The following ADAMTS17 variants were observed in gnomAD, a reference collection of about 807,000 sequenced individuals.
ADAMTS17 encodes the protein ADAM metallopeptidase with thrombospondin type 1 motif 17, also known as A disintegrin and metalloproteinase with thrombospondin motifs 17.
A neutral mutation model predicts 141.5 loss-of-function variants in ADAMTS17; 113 were observed. The observed-to-expected ratio is 0.80, with a 90% CI of 0.69 to 0.93. The LOEUF is 0.93. Ranked by LOEUF, ADAMTS17 falls within the 40% of genes least tolerant of loss-of-function variation. The pLI is 0.00. For missense variants in ADAMTS17, 1,659 were observed against 1,517.9 expected, an observed-to-expected ratio of 1.09 and a Z score of -1.54; for synonymous variants, 768 against 630.6, an observed-to-expected ratio of 1.22 and a Z score of -3.27.
At chr15:100,121,116 G>A (rs370182665) in intron 12 of ADAMTS17, among the ~76,000 whole-genome samples, 1 of 152,190 alleles carries the variant, frequency 6.6e-6, no homozygotes, top group South Asian at 2.1e-4. Flanking sequence ...GCAGGCAGAA[G>A]AAAGAATTAG....
At chr15:100,307,513 T>C (rs1221682256) in intron 3 of ADAMTS17, among the ~76,000 whole-genome samples, 4 of 152,248 alleles carry the variant, frequency 2.6e-5, no homozygotes, top group African/African-American at 9.6e-5. Flanking sequence ...TCATATTACC[T>C]GATGGGCTTT....
chr15:100,144,742 G>A (rs2038819998), intron 10 of ADAMTS17, among the ~76,000 whole-genome samples: 1 of 151,936 alleles, frequency 6.6e-6, no homozygotes, highest in Non-Finnish European at 1.5e-5. Flanking sequence ...GACCCGAGGT[G>A]AGCAGTCCTG....
chr15:100,100,884 C>A (rs59013590), intron 14 of ADAMTS17, among the ~76,000 whole-genome samples: 6 of 152,118 alleles, frequency 3.9e-5, no homozygotes, highest in Admixed American at 1.3e-4. Context: ...CTTCCTCCCC[C>A]ACTCCAGATG....
chr15:100,099,950 C>T (rs536545018), intron 14 of ADAMTS17, among the ~76,000 whole-genome samples: 1 of 152,278 alleles, frequency 6.6e-6, no homozygotes, highest in South Asian at 2.1e-4. Context: ...GGAACTTTGC[C>T]CCTGTTGAAG....
intron 11 of ADAMTS17, among the ~76,000 whole-genome samples, chr15:100,132,488 G>A (rs563445019): frequency 1.3e-5 from 2 of 152,338 alleles, no homozygotes; most frequent in South Asian, 2.1e-4. Context: ...TGCGTTTCTC[G>A]CTGGGAGGCG....
At chr15:100,109,770 G>T (rs948186262) in intron 13 of ADAMTS17, among the ~76,000 whole-genome samples, 1 of 152,064 alleles carries the variant, frequency 6.6e-6, no homozygotes, top group African/African-American at 2.4e-5. Flanking sequence ...CCCAGAACGC[G>T]CCCAGCTCCC....
chr15:100,053,808 G>C (rs1224770888), intron 16 of ADAMTS17, 89 bp downstream of exon 16: 3 of 1,600,036 alleles, frequency 1.9e-6, no homozygotes, highest in African/African-American at 1.3e-5. Context: ...CTGCCCCCGA[G>C]GTCCCAGGCA....
chr15:100,105,910 G>A (rs960767343), intron 14 of ADAMTS17, among the ~76,000 whole-genome samples: 2 of 152,112 alleles, frequency 1.3e-5, no homozygotes, highest in African/African-American at 4.8e-5. Context: ...GGCTGGTCCT[G>A]GAACTCCTGA....
At chr15:100,277,976 T>C (rs1342092917) in intron 4 of ADAMTS17, among the ~76,000 whole-genome samples, 11 of 152,262 alleles carry the variant, frequency 7.2e-5, no homozygotes, top group South Asian at 2.1e-4. Context: ...AAAGCCATCC[T>C]GACACATGTC....
At chr15:100,274,715 T>C (rs951306909) in intron 4 of ADAMTS17, among the ~76,000 whole-genome samples, 5 of 152,252 alleles carry the variant, frequency 3.3e-5, no homozygotes, top group Non-Finnish European at 5.9e-5. Flanking sequence ...TTGTTATTTG[T>C]TTCCTATATG....
chr15:100,124,472 C>T (rs1382158646), intron 12 of ADAMTS17, among the ~76,000 whole-genome samples: 2 of 152,226 alleles, frequency 1.3e-5, no homozygotes, highest in African/African-American at 4.8e-5. Context: ...GAATTACTGA[C>T]AACACCGGTG....
At chr15:100,282,059 C>A (rs2044303323) in intron 3 of ADAMTS17, among the ~76,000 whole-genome samples, 2 of 152,168 alleles carry the variant, frequency 1.3e-5, no homozygotes. Context: ...ACCTATATCC[C>A]TGTAAAATCT....
At chr15:100,296,137 A>G (rs1247499202) in intron 3 of ADAMTS17, among the ~76,000 whole-genome samples, 2 of 152,132 alleles carry the variant, frequency 1.3e-5, no homozygotes, top group Non-Finnish European at 2.9e-5. Context: ...TCGAGAAGGA[A>G]ACCCAAGCCA....
chr15:100,107,280 T>C (rs2036468419), intron 14 of ADAMTS17, among the ~76,000 whole-genome samples: 1 of 152,294 alleles, frequency 6.6e-6, no homozygotes, highest in South Asian at 2.1e-4. Context: ...CATAAGCAGA[T>C]CTGCTGTCCG....
chr15:100,201,773 G>C (rs76786635), intron 7 of ADAMTS17, among the ~76,000 whole-genome samples: 2 of 152,046 alleles, frequency 1.3e-5, no homozygotes, highest in Non-Finnish European at 2.9e-5. Flanking sequence ...AAAACAACAC[G>C]ACAACCAGAA....
intron 3 of ADAMTS17, among the ~76,000 whole-genome samples, chr15:100,318,254 C>T (rs770981379): frequency 2.0e-5 from 3 of 151,620 alleles, no homozygotes; most frequent in Non-Finnish European, 2.9e-5. Context: ...CCTAGATTTA[C>T]CAGACAAAAT....
At chr15:100,028,184 G>C (rs1422274883) in intron 18 of ADAMTS17, among the ~76,000 whole-genome samples, 8 of 152,198 alleles carry the variant, frequency 5.3e-5, no homozygotes, top group African/African-American at 7.2e-5. Flanking sequence ...CAATAACACT[G>C]TCAGACAGGC....
At chr15:100,115,151 G>A (rs755040722) in intron 13 of ADAMTS17, among the ~76,000 whole-genome samples, 1 of 152,190 alleles carries the variant, frequency 6.6e-6, no homozygotes, top group Non-Finnish European at 1.5e-5. Context: ...ATTCAAGGCT[G>A]CTTCTCATGA....
rs1207120680 is a variant in ADAMTS17, at chr15:100,108,975, GAGA to G, written c.2016+11_2016+13del. The G allele has an allele frequency of 3.7e-6, 6 of 1,613,510 alleles. No individual in the cohort carries two copies. Among genetic ancestry groups the G allele is most frequent in the Non-Finnish European group, 5.1e-6 (6 of 1,179,918 alleles). ...TCCAAAGCCCCACCAAGGACCGAAG[GAGA>G]AGTACGTCACCTGGCACTTGCCGTG... On this transcript the variant is annotated intron_variant, in intron 14 of 21. Transcript: ENST00000268070.
Sources: gnomAD v4.1 joint callset for allele counts (sites outside exome capture counted in the v4.1 genomes callset) on GRCh38, gnomAD v4.1.1 for gene constraint, MANE v1.5 for transcripts, NCBI Gene and HGNC (gene_info 2026-07-23, HGNC 2026-07-21) for gene names.